The following SERINC5 variants were observed in gnomAD, a reference collection of about 807,000 sequenced individuals.
SERINC5 encodes the protein chromosome 5 open reading frame 12.
Under a neutral mutation model 63.1 loss-of-function variants are expected in SERINC5, and 41 were observed. The ratio of observed to expected loss-of-function variants is 0.65; its 90% confidence interval spans 0.51 to 0.84. The LOEUF is 0.84. Ranked by LOEUF, SERINC5 falls within the 40% of genes least tolerant of loss-of-function variation. SERINC5 has a pLI of 0.00. For synonymous variants in SERINC5, 222 were observed against 215.2 expected (o/e 1.03, Z -0.28); for missense variants, 523 against 573.0 (o/e 0.91, Z 0.89).
Position 80,142,622 on chromosome 5 carries a change from G to C in SERINC5, c.*1041C>G, listed in dbSNP as rs903360238. ...ACTCCAAGGATGCCAGCATGAACCTGAACGGTATGGTCACGTTACAGATCC... is the reference window on the plus strand; with the variant it reads ...ACTCCAAGGATGCCAGCATGAACCTCAACGGTATGGTCACGTTACAGATCC... On this transcript the variant is annotated 3_prime_UTR_variant, in exon 12 of 12. Coordinates refer to ENST00000507668, the MANE Select transcript of SERINC5 (RefSeq NM_001174072.3). 2.0e-6 allele frequency: 2 copies of C among 985,266 alleles called. No homozygotes were observed. The highest frequency in any genetic ancestry group is 2.3e-4 in the East Asian group (2 of 8,830). 61.0% of individuals were successfully genotyped at this position (985,266 alleles called of 1,614,324 possible). A position where few individuals can be genotyped will look rare whatever the true frequency, so the allele number is the denominator to read the frequency against.
At chr5:80,187,051 A>C (rs1250773875) in intron 2 of SERINC5, among the ~76,000 whole-genome samples, 1 of 152,104 alleles carries the variant, frequency 6.6e-6, no homozygotes. Context: ...CTGTAGTCCC[A>C]AGTACTCAGG....
intron 11 of SERINC5, among the ~76,000 whole-genome samples, chr5:80,120,702 C>T (rs756519663): frequency 1.3e-5 from 2 of 151,946 alleles, no homozygotes; most frequent in Admixed American, 6.6e-5. Flanking sequence ...GTAATCCCAG[C>T]TATTCGGGTG....
At chr5:80,224,974 C>T (rs113694273) in intron 1 of SERINC5, among the ~76,000 whole-genome samples, 15,980 of 145,190 alleles carry the variant, frequency 0.11, 851 homozygotes, top group East Asian at 0.13. Flanking sequence ...AAGTTTTGCT[C>T]TTGTTGCCCA....
At chr5:80,188,282 CAAA>C (rs34863168) in intron 2 of SERINC5, among the ~76,000 whole-genome samples, 2,234 of 82,810 alleles carry the variant, frequency 0.027, 45 homozygotes, top group African/African-American at 0.095. Context: ...GACTCCGTCT[CAAA>C]AAAAAAAAAA....
At position 80,140,366 on chromosome 5, in the gene SERINC5, A is replaced by G; in HGVS notation, c.*3297T>C. ...GTGACAATTTTGACATGGGGACAGG[A>G]AATTAACATTACACTGAGGTTATTC... is the stretch of plus-strand genomic sequence containing the variant. On this transcript the variant is annotated 3_prime_UTR_variant, in exon 12 of 12. Transcript: ENST00000507668. 3.1e-6 allele frequency: 3 copies of G among 982,618 alleles called. No homozygotes were observed. Among genetic ancestry groups the G allele is most frequent in the Non-Finnish European group, 3.6e-6 (3 of 828,534 alleles). The allele number at this position is 982,618 out of a possible 1,614,324, so 60.9% of individuals were successfully genotyped here. A position where few individuals can be genotyped will look rare whatever the true frequency, so the allele number is the denominator to read the frequency against.
At chr5:80,241,974 A>G (rs1257611773) in intron 1 of SERINC5, among the ~76,000 whole-genome samples, 1 of 151,746 alleles carries the variant, frequency 6.6e-6, no homozygotes, top group Non-Finnish European at 1.5e-5. Context: ...AGAGAATTAA[A>G]AAAAAAAAAA....
At chr5:80,116,638 T>C (rs1744331856) in intron 11 of SERINC5, among the ~76,000 whole-genome samples, 1 of 152,020 alleles carries the variant, frequency 6.6e-6, no homozygotes, top group Non-Finnish European at 1.5e-5. Flanking sequence ...ATGCCTCCTG[T>C]GGCCCTGAGA....
chr5:80,113,805 C>T (rs374934878), intron 11 of SERINC5, among the ~76,000 whole-genome samples: 1 of 151,958 alleles, frequency 6.6e-6, no homozygotes, highest in African/African-American at 2.4e-5. Flanking sequence ...CTGGGAGATA[C>T]AATTCAAGTT....
At chr5:80,230,791 TTCTTTC>T (rs1388176035) in intron 1 of SERINC5, among the ~76,000 whole-genome samples, 43 of 148,176 alleles carry the variant, frequency 2.9e-4, no homozygotes, top group African/African-American at 9.5e-4. Flanking sequence ...CTTTCTTTCT[TTCTTTC>T]TCTCTCTCTC....
chr5:80,125,270 A>G (rs1381497990), intron 11 of SERINC5, among the ~76,000 whole-genome samples: 1 of 152,264 alleles, frequency 6.6e-6, no homozygotes, highest in East Asian at 1.9e-4. Flanking sequence ...TAAACGAACA[A>G]TTACAATACT....
At chr5:80,154,103 CCT>C (rs1300893924) in intron 8 of SERINC5, among the ~76,000 whole-genome samples, 2 of 152,178 alleles carry the variant, frequency 1.3e-5, no homozygotes, top group Non-Finnish European at 2.9e-5. Context: ...GTCATGCTCC[CCT>C]GTGCTATAGA....
downstream of SERINC5, among the ~76,000 whole-genome samples, chr5:80,137,309 C>G (rs1469477687): frequency 6.6e-6 from 1 of 151,868 alleles, no homozygotes; most frequent in East Asian, 1.9e-4. Flanking sequence ...TCATAATGGC[C>G]AAGATATAGA....
intron 6 of SERINC5, among the ~76,000 whole-genome samples, chr5:80,167,445 A>G (rs1747373175): frequency 6.6e-6 from 1 of 152,196 alleles, no homozygotes; most frequent in African/African-American, 2.4e-5. Flanking sequence ...CGTATTCCAT[A>G]GATTCCATAG....
intron 2 of SERINC5, among the ~76,000 whole-genome samples, chr5:80,183,232 C>A (rs1748570565): frequency 6.6e-6 from 1 of 152,170 alleles, no homozygotes; most frequent in South Asian, 2.1e-4. Flanking sequence ...GAATGAAGCA[C>A]AAGAATGAGA....
intron 2 of SERINC5, among the ~76,000 whole-genome samples, chr5:80,188,103 T>G (rs1748940441): frequency 6.6e-6 from 1 of 151,846 alleles, no homozygotes; most frequent in South Asian, 2.1e-4. Context: ...GCCAAGATGG[T>G]GAAACCCCGT....
chr5:80,134,505 TAAAC>T (rs1745076746), downstream of SERINC5, among the ~76,000 whole-genome samples: 2 of 151,806 alleles, frequency 1.3e-5, no homozygotes, highest in African/African-American at 2.4e-5. Flanking sequence ...CAAAACAAAA[TAAAC>T]AACAACAACA....
At position 80,207,598 on chromosome 5, in the gene SERINC5, C is replaced by T. The variant is rs529330999; in HGVS notation, c.28-4545G>A. Among the ~76,000 whole-genome samples the T allele has an allele frequency of 1.4e-4, 21 of 152,218 alleles. 1 individual carries two copies. The South Asian group carries it at 4.4e-3, about 32-fold the overall frequency. On this transcript the variant is annotated intron_variant, in intron 1 of 11. Coordinates refer to ENST00000507668, the MANE Select transcript of SERINC5 (RefSeq NM_001174072.3). ...CCTATTCTGTCATTAAAGTCATATG[C>T]CATTGTATGGATCTGATTTTCCAAA...
At chr5:80,220,010 C>A (rs1322399600) in intron 1 of SERINC5, among the ~76,000 whole-genome samples, 1 of 152,018 alleles carries the variant, frequency 6.6e-6, no homozygotes, top group Non-Finnish European at 1.5e-5. Flanking sequence ...GAGTTCAAGA[C>A]CAGCCTGGCC....
intron 1 of SERINC5, among the ~76,000 whole-genome samples, chr5:80,228,940 C>T (rs1751293590): frequency 6.7e-6 from 1 of 149,266 alleles, no homozygotes; most frequent in South Asian, 2.1e-4. Context: ...AAAACAAAAA[C>T]TATACTTAGG....
Sources: gnomAD v4.1 joint callset for allele counts (sites outside exome capture counted in the v4.1 genomes callset) on GRCh38, gnomAD v4.1.1 for gene constraint, MANE v1.5 for transcripts, NCBI Gene and HGNC (gene_info 2026-07-23, HGNC 2026-07-21) for gene names.